PDS5A: variants seen among roughly 807,000 people sequenced by gnomAD.
PDS5A encodes PDS5 cohesin associated factor A.
In PDS5A, 42 loss-of-function variants were observed where a neutral mutation model predicts 167.1. The ratio of observed to expected loss-of-function variants is 0.25; its 90% CI spans 0.20 to 0.33. PDS5A has a LOEUF of 0.33. Ranked by LOEUF, PDS5A falls within the 10% of genes least tolerant of loss-of-function variation. The pLI is 1.00. For missense variants in PDS5A, 1,033 were observed against 1,605.9 expected (o/e 0.64, Z 6.10); for synonymous variants, 553 against 554.6 (o/e 1.00, Z 0.04).
intron 32 of PDS5A, among the ~76,000 whole-genome samples, chr4:39,829,048 C>T (rs1715575810): frequency 6.6e-6 from 1 of 152,154 alleles, no homozygotes; most frequent in Admixed American, 6.5e-5. Context: ...CAATGCAAGG[C>T]CCCTAAGGAG....
chr4:39,900,196 A>G (rs1722760248), intron 14 of PDS5A, among the ~76,000 whole-genome samples: 1 of 152,144 alleles, frequency 6.6e-6, no homozygotes. Context: ...GTGTCTGAAA[A>G]CTTTATATAA....
chr4:39,838,009 T>C lies in PDS5A; in HGVS notation c.3857A>G (p.Asp1286Gly). ...SESQGNATKNDDLNKPINKGR... is the reference protein window; with the variant it reads ...SESQGNATKNGDLNKPINKGR... The stretch of plus-strand genomic sequence containing the variant: ...CTTGTTAATAGGTTTATTTAGATCA[T>C]CATTTTTGGTAGCATTGCCCTGAGA... Residue 1286 changes from aspartate (D) to glycine (G), a missense_variant, in exon 32 of 33, where the codon GAT becomes GGT. Transcript: ENST00000303538. 6.2e-7 allele frequency: 1 copy of C among 1,614,026 alleles called. No individual in the cohort carries two copies. Among genetic ancestry groups the C allele is most frequent in the Non-Finnish European group, 8.5e-7 (1 of 1,179,904 alleles).
At chr4:39,850,870 A>G (rs1462134405) in intron 26 of PDS5A, among the ~76,000 whole-genome samples, 1 of 152,250 alleles carries the variant, frequency 6.6e-6, no homozygotes, top group Non-Finnish European at 1.5e-5. Context: ...GCCTGTTTTT[A>G]CAAAGATCCC....
chr4:39,845,438 T>TA (rs1717508178), intron 29 of PDS5A, among the ~76,000 whole-genome samples: 1 of 152,214 alleles, frequency 6.6e-6, no homozygotes, highest in Non-Finnish European at 1.5e-5. Context: ...TACAAAAAAC[T>TA]AAATTTCCTT....
chr4:39,911,835 TAA>T lies in PDS5A; in HGVS notation c.993-1499_993-1498del, dbSNP rs35068853. 6.2e-3 allele frequency among the ~76,000 whole-genome samples: 780 copies of T among 125,240 alleles called. 2 individuals are homozygous for T. The highest frequency in any genetic ancestry group is 0.013 in the African/African-American group (437 of 32,832). 82.2% of individuals were successfully genotyped at this position (125,240 alleles called of 152,430 possible). The stretch of plus-strand genomic sequence containing the variant: ...CGACAGAGTGAGACTCCGTCTCAAT[TAA>T]AAAAAAAAAAAAAAAAAATGCACAT... On this transcript the variant is annotated intron_variant, in intron 9 of 32. Transcript: ENST00000303538.
At chr4:39,866,011 A>G (rs984188223) in intron 23 of PDS5A, among the ~76,000 whole-genome samples, 1 of 152,234 alleles carries the variant, frequency 6.6e-6, no homozygotes, top group Non-Finnish European at 1.5e-5. Flanking sequence ...ATGTGTAACA[A>G]TGTAAACAAT....
At chr4:39,950,289 C>T (rs922037302) in intron 2 of PDS5A, among the ~76,000 whole-genome samples, 8 of 152,044 alleles carry the variant, frequency 5.3e-5, no homozygotes, top group African/African-American at 1.7e-4. Context: ...AGGCCGGGCA[C>T]GGTGGGTCTC....
chr4:39,849,438 CAAAAAAA>C, intron 27 of PDS5A, 75 bp downstream of exon 27: 1 of 481,310 alleles, frequency 2.1e-6, no homozygotes, highest in Non-Finnish European at 3.4e-6. Context: ...TACGTATGGC[CAAAAAAA>C]AAAAAAAAAA....
chr4:39,926,002 T>TA (rs1725422772), intron 4 of PDS5A, 69 bp from the exon 5 acceptor site: 1 of 447,546 alleles, frequency 2.2e-6, no homozygotes, highest in Non-Finnish European at 3.7e-6. Flanking sequence ...AAAAACTCAG[T>TA]AAAAAATTAA....
At chr4:39,968,625 T>TTTC (rs1400972652) in intron 2 of PDS5A, among the ~76,000 whole-genome samples, 1 of 150,360 alleles carries the variant, frequency 6.7e-6, no homozygotes, top group African/African-American at 2.5e-5. Flanking sequence ...AGAGACAGGG[T>TTTC]TTCTCCACGT....
intron 2 of PDS5A, among the ~76,000 whole-genome samples, chr4:39,948,210 C>CAAAA (rs35177594): frequency 6.0e-4 from 58 of 96,164 alleles, no homozygotes; most frequent in Non-Finnish European, 6.9e-4. Context: ...TATCCCGTCT[C>CAAAA]AAAAAAAAAA....
At chr4:39,856,118 G>A (rs1718504460) in intron 26 of PDS5A, among the ~76,000 whole-genome samples, 1 of 151,962 alleles carries the variant, frequency 6.6e-6, no homozygotes, top group Non-Finnish European at 1.5e-5. Context: ...CATGTTAAAG[G>A]ATCCTCAATA....
At position 39,891,153 on chromosome 4, in the gene PDS5A, C is replaced by T. The variant is rs375056258; in HGVS notation, c.1771-789G>A. Among the ~76,000 whole-genome samples the T allele has an allele frequency of 1.3e-4, 20 of 151,840 alleles. No homozygotes were observed. In the East Asian group the frequency reaches 2.8e-3, roughly 21 times the overall value. On this transcript the variant is annotated intron_variant, in intron 16 of 32. Transcript: ENST00000303538. ...GGTTCAAACAACTCTCCTGCCTCAG[C>T]CTCCATAGCAGCTGGGTTTAAACAT...
intron 2 of PDS5A, among the ~76,000 whole-genome samples, chr4:39,969,830 G>A (rs1162715009): frequency 2.0e-5 from 3 of 151,852 alleles, no homozygotes; most frequent in Non-Finnish European, 4.4e-5. Flanking sequence ...ATTAAGCTTG[G>A]CACTGAGAGG....
Position 39,844,776 on chromosome 4 carries a change from G to A in PDS5A, c.3428C>T (p.Ala1143Val). Residue 1143 changes from alanine to valine, a missense_variant, in exon 30 of 33, where the codon GCA (alanine) becomes GTA (valine). Physicochemically the swap from Ala to Val is moderately conservative, Grantham distance 64 (BLOSUM62 0). Around this residue, in one of 4 missense-constraint regions of PDS5A, gnomAD observed 233 missense variants for 264.0 expected, o/e 0.88. Transcript: ENST00000303538. ...GKPKPAGVLG[A>V]VNKPLSATGR... ...CGTTGCTGATAAAGGCTTATTTACT[G>A]CACCTAGTACTCCAGCAGGCTTTGG... 6.2e-7 allele frequency: 1 copy of A among 1,611,952 alleles called. No individual in the cohort carries two copies. Among genetic ancestry groups the A allele is most frequent in the Non-Finnish European group, 8.5e-7 (1 of 1,179,356 alleles).
At chr4:39,861,374 C>T (rs1718982894) in intron 26 of PDS5A, among the ~76,000 whole-genome samples, 1 of 152,096 alleles carries the variant, frequency 6.6e-6, no homozygotes, top group South Asian at 2.1e-4. Flanking sequence ...GGGAGAATCA[C>T]TTGAACTAGG....
chr4:39,961,486 C>T (rs1211204345), intron 2 of PDS5A, among the ~76,000 whole-genome samples: 2 of 152,082 alleles, frequency 1.3e-5, no homozygotes. Context: ...GTCTCGAACA[C>T]CTGACCTCTG....
chr4:39,911,494 A>G (rs1334523102), intron 9 of PDS5A, among the ~76,000 whole-genome samples: 2 of 152,150 alleles, frequency 1.3e-5, no homozygotes, highest in African/African-American at 4.8e-5. Flanking sequence ...GGTCTAGTAT[A>G]CGTTAAGAAT....
At position 39,863,089 on chromosome 4, in the gene PDS5A, A is replaced by C. The variant is rs1376390243; in HGVS notation, c.2767-16T>G. On this transcript the variant is annotated splice_polypyrimidine_tract_variant and intron_variant, in intron 24 of 32. Transcript: ENST00000303538. ...AACACTCATCCTACAGCAGCACAGAAAAACTTAAATTGGCAACCATTTATT... is the reference window on the plus strand; with the variant it reads ...AACACTCATCCTACAGCAGCACAGACAAACTTAAATTGGCAACCATTTATT... The C allele has an allele frequency of 1.3e-6, 2 of 1,594,376 alleles. No homozygotes were observed. The highest frequency in any genetic ancestry group is 2.7e-5 in the African/African-American group (2 of 74,478).
Sources: allele counts gnomAD v4.1 joint callset (sites outside exome capture counted in the v4.1 genomes callset), GRCh38; gene constraint gnomAD v4.1.1; regional missense constraint gnomAD v4.1.1; transcripts MANE v1.5; gene names NCBI Gene and HGNC (gene_info 2026-07-23, HGNC 2026-07-21).